The following MAP1B variants were observed in gnomAD, a reference collection of about 807,000 sequenced individuals.
MAP1B encodes the protein microtubule-associated protein 1B.
In MAP1B, 12 loss-of-function variants were observed where a neutral mutation model predicts 176.1. The observed-to-expected ratio is 0.07, with a 90% confidence interval of 0.04 to 0.11. The LOEUF (loss-of-function observed/expected upper bound fraction) is 0.11, where lower values mean the gene tolerates loss of function less well. Among genes scored for constraint, MAP1B ranks in the 10% least tolerant of loss-of-function variants. MAP1B has a pLI of 1.00. For missense variants in MAP1B, 2,523 were observed against 2,990.5 expected (o/e 0.84, Z 3.65); for synonymous variants, 1,044 against 1,135.0 (o/e 0.92, Z 1.61).
chr5:72,117,365 T>A (rs1745453406), intron 2 of MAP1B, among the ~76,000 whole-genome samples: 1 of 152,260 alleles, frequency 6.6e-6, no homozygotes, highest in Non-Finnish European at 1.5e-5. Flanking sequence ...CTTTTATTTT[T>A]TCTCTGTAGG....
chr5:72,203,837 G>A (rs950527737), intron 6 of MAP1B, 36 bp downstream of exon 6: 5 of 1,589,958 alleles, frequency 3.1e-6, no homozygotes, highest in Non-Finnish European at 4.3e-6. Flanking sequence ...ACTGCCGATT[G>A]AGCTGTGTCC....
intron 1 of MAP1B, among the ~76,000 whole-genome samples, chr5:72,108,054 G>A (rs558796436): frequency 1.2e-4 from 18 of 152,194 alleles, no homozygotes; most frequent in Non-Finnish European, 1.0e-4. Context: ...GAGGCAGAAG[G>A]GTGGGGGAGA....
intron 2 of MAP1B, among the ~76,000 whole-genome samples, chr5:72,163,916 C>CTTTTTTTTTTTTTTTTTTT (rs796802217): frequency 1.0e-5 from 1 of 97,102 alleles, no homozygotes. Context: ...CTCTCTCTCT[C>CTTTTTTTTTTTTTTTTTTT]TTTTTTTTTT....
chr5:72,120,915 T>C (rs1677631118), intron 2 of MAP1B, among the ~76,000 whole-genome samples: 1 of 152,236 alleles, frequency 6.6e-6, no homozygotes, highest in African/African-American at 2.4e-5. Context: ...GTTTCCTTTT[T>C]GTAGTAATTT....
intron 2 of MAP1B, among the ~76,000 whole-genome samples, chr5:72,138,347 G>T (rs1163066321): frequency 6.6e-6 from 1 of 152,124 alleles, no homozygotes. Flanking sequence ...TTACCTCCAA[G>T]TTGCAAGGTT....
intron 2 of MAP1B, among the ~76,000 whole-genome samples, chr5:72,152,214 T>G (rs1746153731): frequency 1.3e-5 from 2 of 151,266 alleles, no homozygotes; most frequent in African/African-American, 4.9e-5. Context: ...TATGGATATG[T>G]TTTTTTTTAC....
chr5:72,142,510 G>A (rs562641230), intron 2 of MAP1B, among the ~76,000 whole-genome samples: 3 of 152,256 alleles, frequency 2.0e-5, no homozygotes, highest in South Asian at 4.2e-4. Context: ...ACCGGAGCTC[G>A]CTGAGGAATA....
intron 2 of MAP1B, among the ~76,000 whole-genome samples, chr5:72,165,711 G>A (rs1746414749): frequency 1.3e-5 from 2 of 152,122 alleles, no homozygotes. Flanking sequence ...TGAAAAAGCA[G>A]TGCCATATAA....
intron 2 of MAP1B, among the ~76,000 whole-genome samples, chr5:72,144,543 AC>A (rs145467904): frequency 1.8e-3 from 274 of 152,206 alleles, no homozygotes; most frequent in African/African-American, 6.3e-3. Context: ...ACAGGTGTCC[AC>A]CATCACGCCC....
intron 2 of MAP1B, among the ~76,000 whole-genome samples, chr5:72,181,723 ATT>A (rs33951504): frequency 2.9e-5 from 4 of 138,472 alleles, no homozygotes; most frequent in Admixed American, 1.4e-4. Flanking sequence ...ACACCCAGCT[ATT>A]TTTTTTTTTT....
In MAP1B at chr5:72,196,867, C is replaced by A; in HGVS notation, c.3512C>A (p.Ser1171Tyr). 1 of 1,614,210 alleles carries A rather than the reference C, an allele frequency of 6.2e-7. No homozygotes were observed. The highest frequency in any genetic ancestry group is 8.5e-7 in the Non-Finnish European group (1 of 1,180,030). The change falls in exon 5 of 7, where the codon TCT (serine) becomes TAT (tyrosine). Residue 1171 changes from serine (S) to tyrosine (Y), a missense_variant. Physicochemically the swap from Ser to Tyr is moderately radical, Grantham distance 144. Coordinates refer to ENST00000296755, the MANE Select transcript of MAP1B (RefSeq NM_005909.5). The surrounding 1 kb of genome is among the most constrained non-coding windows in gnomAD (Gnocchi z 5.3). ...NITKYESSLY[S>Y]QEYSKPADVT... ...ACCAAATATGAATCTTCATTGTATT[C>A]TCAGGAATACTCTAAACCTGCTGAT...
In MAP1B at chr5:72,198,681, G is replaced by C; in HGVS notation, c.5326G>C (p.Glu1776Gln). ...TSEKVQSLEG[E>Q]KLSPKSDISP... Reference sequence around the variant, plus strand: ...TGAAAAAGTGCAAAGTCTGGAAGGAGAGAAGCTCTCTCCAAAATCTGATAT... The same window carrying C: ...TGAAAAAGTGCAAAGTCTGGAAGGACAGAAGCTCTCTCCAAAATCTGATAT... The change falls in exon 5 of 7, where the codon GAG (glutamate) becomes CAG (glutamine). Residue 1776 changes from glutamate to glutamine, a missense_variant. Physicochemically the swap from Glu to Gln is conservative, Grantham distance 29 (BLOSUM62 2). Coordinates refer to ENST00000296755, the MANE Select transcript of MAP1B (RefSeq NM_005909.5). 1 of 1,614,202 alleles carries C rather than the reference G, an allele frequency of 6.2e-7. No individual in the cohort carries two copies. Among genetic ancestry groups the C allele is most frequent in the Non-Finnish European group, 8.5e-7 (1 of 1,180,034 alleles).
intron 2 of MAP1B, among the ~76,000 whole-genome samples, chr5:72,156,998 C>G (rs535001745): frequency 4.6e-5 from 7 of 152,258 alleles, no homozygotes; most frequent in African/African-American, 1.7e-4. Context: ...TTAAACCTTC[C>G]CAGTTCCTAA....
chr5:72,195,728 C>T lies in MAP1B; in HGVS notation c.2373C>T (p.Ala791=), dbSNP rs138270791. ...AAGTCATTAAGAAGGAAGGCAAGGC[C>T]GCAGAGGCTGTCGCTGCAGCTGTCG... is the stretch of plus-strand genomic sequence containing the variant. The part of the protein sequence containing the change: ...KIKVIKKEGK[A]AEAVAAAVGT... Residue 791 remains alanine, a synonymous_variant, in exon 5 of 7, where the codon GCC becomes GCT. Transcript: ENST00000296755. The T allele has an allele frequency of 4.2e-5, 68 of 1,614,204 alleles. No homozygotes were observed. Among genetic ancestry groups the T allele is most frequent in the African/African-American group, 1.2e-4 (9 of 75,056 alleles).
chr5:72,118,773 G>A (rs1459215), intron 2 of MAP1B, among the ~76,000 whole-genome samples: 70,869 of 152,032 alleles, frequency 0.47, 16,748 homozygotes, highest in Middle Eastern at 0.62. Context: ...TTTAAGGCCA[G>A]CAGAGTTATA....
chr5:72,155,761 C>CGA (rs1746217749), intron 2 of MAP1B, among the ~76,000 whole-genome samples: 11 of 131,482 alleles, frequency 8.4e-5, no homozygotes, highest in Non-Finnish European at 4.9e-5. Flanking sequence ...GATTGATTTT[C>CGA]TTTTCTTTTT....
At chr5:72,182,837 C>T (rs1426206580) in intron 2 of MAP1B, among the ~76,000 whole-genome samples, 1 of 152,328 alleles carries the variant, frequency 6.6e-6, no homozygotes, top group East Asian at 1.9e-4. Context: ...ACCCACTTCC[C>T]TGTCCTTAGC....
chr5:72,147,465 T>TA (rs539036066), intron 2 of MAP1B, among the ~76,000 whole-genome samples: 7,323 of 141,856 alleles, frequency 0.052, 262 homozygotes, highest in Middle Eastern at 0.094. Flanking sequence ...TTTTAGTGAT[T>TA]AAAAAAAAAA....
chr5:72,197,014 G>T lies in MAP1B; in HGVS notation c.3659G>T (p.Arg1220Ile). Residue 1220 changes from arginine (R) to isoleucine (I), a missense_variant, in exon 5 of 7, where the codon AGA (arginine) becomes ATA (isoleucine). Arg to Ile is a moderately conservative substitution (Grantham distance 97). Around this residue, in one of 4 missense-constraint regions of MAP1B, gnomAD observed 1,925 missense variants for 2,126.0 expected, o/e 0.91. Transcript: ENST00000296755. Reference sequence around the variant, plus strand: ...TCCATGGAGGAAGACAAATTCAGCAGATCTGCTTTACGTGATGCTTACTGC... The same window carrying T: ...TCCATGGAGGAAGACAAATTCAGCATATCTGCTTTACGTGATGCTTACTGC... ...PSSMEEDKFSRSALRDAYCSE... is the reference protein window; with the variant it reads ...PSSMEEDKFSISALRDAYCSE... 1 of 1,614,196 alleles carries T rather than the reference G, an allele frequency of 6.2e-7. No individual in the cohort carries two copies. The highest frequency in any genetic ancestry group is 8.5e-7 in the Non-Finnish European group (1 of 1,180,038).
Sources: gnomAD v4.1 joint callset for allele counts (sites outside exome capture counted in the v4.1 genomes callset) on GRCh38, gnomAD v4.1.1 for gene constraint, gnomAD v4.1.1 regional missense constraint, Gnocchi (gnomAD v3.1) non-coding constraint, MANE v1.5 for transcripts, NCBI Gene and HGNC (gene_info 2026-07-23, HGNC 2026-07-21) for gene names.